TWSG1: variants seen among roughly 807,000 people sequenced by gnomAD.
TWSG1 encodes the protein twisted gastrulation protein homolog 1.
In TWSG1, 15 loss-of-function variants were observed where a neutral mutation model predicts 23.0. The ratio of observed to expected loss-of-function variants is 0.65; its 90% CI spans 0.44 to 1.00. TWSG1 has a LOEUF of 1.00. Ranked by LOEUF, TWSG1 falls within the 50% of genes least tolerant of loss-of-function variation. The pLI is 0.00. For synonymous variants in TWSG1, 86 were observed against 92.8 expected (o/e 0.93, Z 0.42); for missense variants, 242 against 278.7 (o/e 0.87, Z 0.94).
intron 2 of TWSG1, among the ~76,000 whole-genome samples, chr18:9,352,776 A>G (rs2040507838): frequency 6.6e-6 from 1 of 152,204 alleles, no homozygotes; most frequent in African/African-American, 2.4e-5. Context: ...TCAAGTTGTT[A>G]GTTTCCATTT....
intron 3 of TWSG1, among the ~76,000 whole-genome samples, chr18:9,390,322 C>T (rs979279161): frequency 3.9e-5 from 6 of 152,096 alleles, no homozygotes; most frequent in African/African-American, 1.2e-4. Context: ...CCATCATGCC[C>T]GGCTAATTTT....
At chr18:9,348,122 G>C (rs1346092681) in intron 2 of TWSG1, among the ~76,000 whole-genome samples, 2 of 151,708 alleles carry the variant, frequency 1.3e-5, no homozygotes, top group Non-Finnish European at 2.9e-5. Context: ...GGATAAGGAA[G>C]GCCTTGATGC....
At chr18:9,377,566 T>C (rs7236178) in intron 3 of TWSG1, among the ~76,000 whole-genome samples, 150,666 of 152,280 alleles carry the variant, frequency 0.99, 74,571 homozygotes, top group Middle Eastern at 1. Context: ...TGGCCATCCA[T>C]CTGCAAAATA....
intron 2 of TWSG1, among the ~76,000 whole-genome samples, chr18:9,342,839 G>T (rs2040452024): frequency 1.3e-5 from 2 of 152,178 alleles, no homozygotes; most frequent in Non-Finnish European, 2.9e-5. Flanking sequence ...TGTGTGGAAA[G>T]TAAGCTTTCT....
In TWSG1 at chr18:9,385,414, C is replaced by G. The variant is rs1228190646; in HGVS notation, c.224-10866C>G. Among the ~76,000 whole-genome samples the G allele has an allele frequency of 7.9e-5, 3 of 38,062 alleles. 1 individual carries two copies. The highest frequency in any genetic ancestry group is 1.6e-4 in the Non-Finnish European group (3 of 18,302). The allele number at this position is 38,062 out of a possible 152,430, so 25.0% of individuals were successfully genotyped here. On this transcript the variant is annotated intron_variant, in intron 3 of 4. Coordinates refer to ENST00000262120, the MANE Select transcript of TWSG1 (RefSeq NM_020648.6). The stretch of plus-strand genomic sequence containing the variant: ...AGCTTAAAAGAAAGAACGGGCCGGG[C>G]GCGGTGGCTCACGCCTGTAATCCCA...
chr18:9,368,197 T>TG (rs1389760628), intron 3 of TWSG1, among the ~76,000 whole-genome samples: 1 of 152,036 alleles, frequency 6.6e-6, no homozygotes, highest in African/African-American at 2.4e-5. Context: ...TGTGGTGTTT[T>TG]TTTTGTTTTG....
chr18:9,338,745 G>A (rs1365781246), intron 2 of TWSG1, among the ~76,000 whole-genome samples: 10 of 152,046 alleles, frequency 6.6e-5, no homozygotes, highest in Non-Finnish European at 1.3e-4. Context: ...AGGAGTCTGT[G>A]GTACCTCCCA....
chr18:9,380,036 A>G (rs1355888723), intron 3 of TWSG1, among the ~76,000 whole-genome samples: 1 of 152,206 alleles, frequency 6.6e-6, no homozygotes, highest in Non-Finnish European at 1.5e-5. Context: ...CATTCCCTAT[A>G]TACTGTGTGG....
rs944937523 is a variant in TWSG1, at chr18:9,400,911, T to G, written c.*1384T>G. ...AATTACTAATTGCTCTAGTGCATAT[T>G]TGAACTACAAGCAACTTTTTAGGAA... is the stretch of plus-strand genomic sequence containing the variant. On this transcript the variant is annotated 3_prime_UTR_variant, in exon 5 of 5. Coordinates refer to ENST00000262120, the MANE Select transcript of TWSG1 (RefSeq NM_020648.6). The G allele has an allele frequency of 3.3e-5, 5 of 152,334 alleles. No individual in the cohort carries two copies. In the South Asian group the frequency reaches 1.0e-3, roughly 32 times the overall value. The allele number at this position is 152,334 out of a possible 1,614,324, so 9.4% of individuals were successfully genotyped here.
intron 2 of TWSG1, among the ~76,000 whole-genome samples, chr18:9,344,491 A>G (rs7235018): frequency 0.67 from 90,852 of 135,440 alleles, 31,249 homozygotes; most frequent in Middle Eastern, 0.76. Flanking sequence ...TAGTGAATGC[A>G]TGTGTGTGTG....
rs115054174 is a variant in TWSG1 at position 9,402,054 on chromosome 18, G to A, written c.*2527G>A. The stretch of plus-strand genomic sequence containing the variant: ...TACAATAGTGGTGCCAAATCAAATG[G>A]TAATTTAAATAAAATCTATTCTGTG... On this transcript the variant is annotated 3_prime_UTR_variant, in exon 5 of 5. Transcript: ENST00000262120. 211 of 152,044 alleles carry A rather than the reference G, an allele frequency of 1.4e-3. 1 individual carries two copies. Among genetic ancestry groups the A allele is most frequent in the African/African-American group, 5.0e-3 (206 of 41,500 alleles). The allele number at this position is 152,044 out of a possible 1,614,324, so 9.4% of individuals were successfully genotyped here.
At chr18:9,348,435 T>G (rs2145596840) in intron 2 of TWSG1, among the ~76,000 whole-genome samples, 1 of 152,336 alleles carries the variant, frequency 6.6e-6, no homozygotes, top group Non-Finnish European at 1.5e-5. Context: ...TCCCCCGGAT[T>G]ATATTCAGGA....
chr18:9,394,522 C>T (rs907191133), intron 3 of TWSG1, among the ~76,000 whole-genome samples: 3 of 151,976 alleles, frequency 2.0e-5, no homozygotes, highest in Admixed American at 2.0e-4. Context: ...TATAGGATGA[C>T]TATAGTTAAC....
intron 3 of TWSG1, among the ~76,000 whole-genome samples, chr18:9,391,560 T>C (rs552944763): frequency 2.0e-5 from 3 of 152,338 alleles, no homozygotes; most frequent in Non-Finnish European, 4.4e-5. Context: ...CAATTGAGCT[T>C]GCATATGGAG....
chr18:9,396,087 A>G (rs1237749213), intron 3 of TWSG1, among the ~76,000 whole-genome samples, 193 bp from the exon 4 acceptor site: 1 of 144,440 alleles, frequency 6.9e-6, no homozygotes, highest in Non-Finnish European at 1.5e-5. Flanking sequence ...ACAAGATCTG[A>G]GCGTTCAGTA....
chr18:9,398,562 A>G (rs2040748271), intron 4 of TWSG1, among the ~76,000 whole-genome samples: 1 of 151,948 alleles, frequency 6.6e-6, no homozygotes, highest in Admixed American at 6.6e-5. Context: ...GGTTCAAGTG[A>G]TTCTCCTGCC....
intron 2 of TWSG1, among the ~76,000 whole-genome samples, chr18:9,352,894 T>C (rs1178512448): frequency 1.3e-5 from 2 of 152,238 alleles, no homozygotes; most frequent in African/African-American, 4.8e-5. Context: ...AAATAATTAA[T>C]ATCTGACCAG....
At chr18:9,388,902 C>T (rs537761300) in intron 3 of TWSG1, among the ~76,000 whole-genome samples, 5 of 151,990 alleles carry the variant, frequency 3.3e-5, no homozygotes, top group South Asian at 2.1e-4. Flanking sequence ...GCTTTTATAA[C>T]GTTTGAACTC....
At position 9,360,053 on chromosome 18, in the gene TWSG1, G is replaced by T; in HGVS notation, c.205G>T (p.Glu69Ter). ...CMLCLGALWDECCDCVGMCNP... is the reference protein window; with the variant it reads ...CMLCLGALWD ...GCTGTGTCTTGGGGCCCTTTGGGAC[G>T]AGTGCTGTGACTGTGTTGGTAAGTT... The change falls in exon 3 of 5, where the codon GAG becomes TAG. Residue 69 changes from glutamate to a stop codon, truncating the protein, a stop_gained. Coordinates refer to ENST00000262120, the MANE Select transcript of TWSG1 (RefSeq NM_020648.6). LOFTEE classifies it high-confidence loss of function. The T allele has an allele frequency of 6.2e-7, 1 of 1,613,330 alleles. No individual in the cohort carries two copies. Among genetic ancestry groups the T allele is most frequent in the South Asian group, 1.1e-5 (1 of 91,024 alleles).
Sources: allele counts gnomAD v4.1 joint callset (sites outside exome capture counted in the v4.1 genomes callset), GRCh38; gene constraint gnomAD v4.1.1; transcripts MANE v1.5; gene names NCBI Gene and HGNC (gene_info 2026-07-23, HGNC 2026-07-21).